Variants in PRKCE observed in about 807,000 individuals in gnomAD.
The protein encoded by PRKCE is protein kinase C epsilon type.
In PRKCE, 16 loss-of-function variants were observed where a neutral mutation model predicts 85.4. That is an observed-to-expected ratio of 0.19 (90% CI 0.13 to 0.28). PRKCE has a LOEUF of 0.28. Ranked by LOEUF, PRKCE falls within the 10% of genes least tolerant of loss-of-function variation. The probability of loss-of-function intolerance (pLI) is 1.00; values close to 1 mark genes in which losing one functional copy is unlikely to be tolerated. For missense variants in PRKCE, 573 were observed against 975.2 expected, an observed-to-expected ratio of 0.59 and a Z score of 5.49; for synonymous variants, 388 against 371.5, an observed-to-expected ratio of 1.04 and a Z score of -0.51.
At chr2:45,769,715 C>T (rs570218912) in intron 1 of PRKCE, among the ~76,000 whole-genome samples, 1 of 152,248 alleles carries the variant, frequency 6.6e-6, no homozygotes, top group East Asian at 1.9e-4. Context: ...ATTCTGTGCT[C>T]ACATATTTTG....
chr2:46,176,372 G>A (rs1258865460), intron 14 of PRKCE, among the ~76,000 whole-genome samples: 2 of 151,918 alleles, frequency 1.3e-5, no homozygotes, highest in Non-Finnish European at 2.9e-5. Flanking sequence ...TCCAGGTTAC[G>A]GAAGAATCTG....
chr2:45,793,784 G>A (rs533002886), intron 1 of PRKCE, among the ~76,000 whole-genome samples: 3 of 152,184 alleles, frequency 2.0e-5, no homozygotes, highest in East Asian at 1.9e-4. Context: ...ACTGGGATCC[G>A]GGCTAAACCT....
chr2:46,184,628 G>C lies in PRKCE; in HGVS notation c.2068-107G>C. 1 of 1,395,900 alleles carries C rather than the reference G, an allele frequency of 7.2e-7. No homozygotes were observed. Among genetic ancestry groups the C allele is most frequent in the Non-Finnish European group, 9.7e-7 (1 of 1,030,016 alleles). 86.5% of individuals were successfully genotyped at this position (1,395,900 alleles called of 1,614,324 possible). A position where few individuals can be genotyped will look rare whatever the true frequency, so the allele number is the denominator to read the frequency against. On this transcript the variant is annotated intron_variant, in intron 14 of 14. Transcript: ENST00000306156. This position sits in a 1 kb window ranked among gnomAD's most constrained non-coding sequence, Gnocchi z 5.0. ...CGTGTCTGCTGTCTGTTGGTAGCTA[G>C]AGGCCTGCTTTGGTGACAGGCTGGT... is the stretch of plus-strand genomic sequence containing the variant.
intron 2 of PRKCE, among the ~76,000 whole-genome samples, chr2:45,917,593 G>A (rs1476324544): frequency 3.3e-5 from 5 of 152,252 alleles, no homozygotes; most frequent in African/African-American, 4.8e-5. Flanking sequence ...AGATTCAGGA[G>A]CCCAGCTGGC....
intron 1 of PRKCE, among the ~76,000 whole-genome samples, chr2:45,823,830 T>A (rs1371498478): frequency 6.6e-6 from 1 of 152,256 alleles, no homozygotes; most frequent in Non-Finnish European, 1.5e-5. Flanking sequence ...CTGAGAGGCA[T>A]GTGCTCTGGA....
chr2:45,819,754 C>G (rs1361490364), intron 1 of PRKCE, among the ~76,000 whole-genome samples: 1 of 152,184 alleles, frequency 6.6e-6, no homozygotes, highest in Non-Finnish European at 1.5e-5. Flanking sequence ...AGCTTTGAAA[C>G]CCATGGTGGT....
chr2:45,747,045 T>C (rs1361351405), intron 1 of PRKCE, among the ~76,000 whole-genome samples: 1 of 152,224 alleles, frequency 6.6e-6, no homozygotes, highest in Non-Finnish European at 1.5e-5. Context: ...TGAGACACAC[T>C]GGATTTTACC....
At chr2:46,158,949 T>C (rs146279684) in intron 13 of PRKCE, among the ~76,000 whole-genome samples, 1 of 152,274 alleles carries the variant, frequency 6.6e-6, no homozygotes, top group Non-Finnish European at 1.5e-5. Flanking sequence ...CACATCAATG[T>C]GATTTTCACC....
At chr2:45,881,086 G>C (rs1382638170) in intron 2 of PRKCE, among the ~76,000 whole-genome samples, 1 of 149,242 alleles carries the variant, frequency 6.7e-6, no homozygotes, top group Admixed American at 6.7e-5. Context: ...CCGGGAGGCG[G>C]AGCTTGCAGT....
chr2:46,116,310 A>C (rs1346614336), intron 11 of PRKCE, among the ~76,000 whole-genome samples: 2 of 152,234 alleles, frequency 1.3e-5, no homozygotes, highest in Non-Finnish European at 2.9e-5. Flanking sequence ...TTCCCAGGAA[A>C]CAGTGTGCAC....
chr2:46,042,955 C>T (rs1228565654), intron 10 of PRKCE, among the ~76,000 whole-genome samples: 2 of 152,216 alleles, frequency 1.3e-5, no homozygotes, highest in African/African-American at 2.4e-5. Flanking sequence ...GTGTAGCTCC[C>T]GTCTTTCTAA....
intron 2 of PRKCE, among the ~76,000 whole-genome samples, chr2:45,919,218 C>T (rs1158585459): frequency 1.3e-5 from 2 of 152,190 alleles, no homozygotes; most frequent in African/African-American, 2.4e-5. Flanking sequence ...TGGGCTGATG[C>T]CGTACGGACA....
At chr2:46,069,749 T>G (rs1667914797) in intron 10 of PRKCE, among the ~76,000 whole-genome samples, 2 of 152,234 alleles carry the variant, frequency 1.3e-5, no homozygotes, top group African/African-American at 4.8e-5. Context: ...TTATTTTAGT[T>G]TTTCTTGGCA....
chr2:45,779,603 TAA>T (rs747138886), intron 1 of PRKCE, among the ~76,000 whole-genome samples: 61 of 114,230 alleles, frequency 5.3e-4, no homozygotes, highest in African/African-American at 6.0e-4. Flanking sequence ...TATATTAAAG[TAA>T]AAAAAAAAAA....
chr2:46,152,814 TG>T (rs1574612203), intron 13 of PRKCE, among the ~76,000 whole-genome samples: 1 of 152,350 alleles, frequency 6.6e-6, no homozygotes, highest in East Asian at 1.9e-4. Flanking sequence ...CCCAAAGTGC[TG>T]GGATTACAGG....
chr2:46,095,670 T>C (rs1670614160), intron 11 of PRKCE, among the ~76,000 whole-genome samples: 1 of 152,258 alleles, frequency 6.6e-6, no homozygotes, highest in African/African-American at 2.4e-5. Flanking sequence ...GATTCAGTTT[T>C]CTTGGATCTA....
chr2:45,734,600 C>T (rs982678650), intron 1 of PRKCE, among the ~76,000 whole-genome samples: 10 of 152,194 alleles, frequency 6.6e-5, no homozygotes, highest in African/African-American at 1.9e-4. Context: ...TACACAGGTC[C>T]GTGTGTTCTC....
At chr2:45,735,109 G>A (rs925315130) in intron 1 of PRKCE, among the ~76,000 whole-genome samples, 2 of 152,198 alleles carry the variant, frequency 1.3e-5, no homozygotes, top group Admixed American at 1.3e-4. Flanking sequence ...TGGAAACAGT[G>A]GCCTGTGATG....
intron 10 of PRKCE, among the ~76,000 whole-genome samples, chr2:46,062,122 A>C (rs1191657269): frequency 1.3e-5 from 2 of 152,032 alleles, no homozygotes; most frequent in African/African-American, 4.8e-5. Context: ...TCAGCCTCCC[A>C]AAGTGCTGGG....
Sources: allele counts gnomAD v4.1 joint callset (sites outside exome capture counted in the v4.1 genomes callset), GRCh38; gene constraint gnomAD v4.1.1; non-coding constraint Gnocchi (gnomAD v3.1); transcripts MANE v1.5; gene names NCBI Gene and HGNC (gene_info 2026-07-23, HGNC 2026-07-21).